The following STC2 variants were observed in gnomAD, a reference collection of about 807,000 sequenced individuals.
The protein encoded by STC2 is stanniocalcin-2.
A neutral mutation model predicts 22.7 loss-of-function variants in STC2; 7 were observed. The observed-to-expected ratio is 0.31, with a 90% CI of 0.18 to 0.58. STC2 has a LOEUF of 0.58. STC2 is among the 20% of genes least tolerant of loss of function. The pLI is 0.89. For synonymous variants in STC2, 158 were observed against 163.4 expected (o/e 0.97, Z 0.25); for missense variants, 336 against 406.2 (o/e 0.83, Z 1.48).
At position 173,317,870 on chromosome 5, in the gene STC2, C is replaced by CA; in HGVS notation, c.885dup (p.Glu296Ter). The stretch of plus-strand genomic sequence containing the variant: ...TTTCACCTCCGGATATCAGAATACT[C>CA]AGACTGTTCGTCTTCCCACTCGCTG... On this transcript the variant is annotated frameshift_variant, in exon 4 of 4. Transcript: ENST00000265087. LOFTEE classifies it high-confidence loss of function. 1.3e-6 allele frequency: 2 copies of CA among 1,591,070 alleles called. No individual in the cohort carries two copies. Among genetic ancestry groups the CA allele is most frequent in the Non-Finnish European group, 1.7e-6 (2 of 1,165,544 alleles).
In STC2 at chr5:173,323,129, C is replaced by T. The variant is rs1762505100; in HGVS notation, c.506+90G>A. The T allele has an allele frequency of 3.9e-6, 5 of 1,276,128 alleles. No homozygotes were observed. The Admixed American group carries it at 9.3e-5, about 24-fold the overall frequency. 79.1% of individuals were successfully genotyped at this position (1,276,128 alleles called of 1,614,324 possible). ...CTTCTCCATTTGACAGGCATTCAGC[C>T]TCTAGAAGCAACGCGGCTCTCCTCC... On this transcript the variant is annotated intron_variant, in intron 3 of 3. Coordinates refer to ENST00000265087, the MANE Select transcript of STC2 (RefSeq NM_003714.3). The surrounding 1 kb of genome is among the most constrained non-coding windows in gnomAD (Gnocchi z 5.4).
chr5:173,321,352 C>T (rs1762483529), intron 3 of STC2, among the ~76,000 whole-genome samples: 1 of 152,168 alleles, frequency 6.6e-6, no homozygotes, highest in African/African-American at 2.4e-5. Flanking sequence ...CCCCATTCCC[C>T]ACCGATTCCT....
intron 3 of STC2, among the ~76,000 whole-genome samples, chr5:173,321,477 T>C (rs909918281): frequency 2.7e-5 from 4 of 145,784 alleles, no homozygotes; most frequent in African/African-American, 7.4e-5. Flanking sequence ...AAGGGAATTT[T>C]AGAGTGTTCT....
At chr5:173,326,567 C>T (rs1762548432) in intron 1 of STC2, 1 of 152,470 alleles carries the variant, frequency 6.6e-6, no homozygotes, top group African/African-American at 2.4e-5. Flanking sequence ...GCAGTGCCTC[C>T]CAACCCTTCG....
rs1762574689 is a variant in STC2 at position 173,328,171 on chromosome 5, T to G, written c.23A>C (p.Gln8Pro). Residue 8 changes from glutamine to proline, a missense_variant, in exon 1 of 4, where the codon CAG (glutamine) becomes CCG (proline). This residue lies in a region of STC2 where 99 missense variants were observed against 122.7 expected (regional missense o/e 0.81). Transcript: ENST00000265087. ...CAACACCAAAGCCAGGGTCATGAACTGGCCCAGCCGCTCGGCACACATGGT... is the reference window on the plus strand; with the variant it reads ...CAACACCAAAGCCAGGGTCATGAACGGGCCCAGCCGCTCGGCACACATGGT... MCAERLG[Q>P]FMTLALVLAT... 3 of 1,573,988 alleles carry G rather than the reference T, an allele frequency of 1.9e-6. No individual in the cohort carries two copies. Among genetic ancestry groups the G allele is most frequent in the African/African-American group, 2.7e-5 (2 of 73,174 alleles).
At chr5:173,320,807 CTT>C (rs1161529639) in intron 3 of STC2, among the ~76,000 whole-genome samples, 77 of 134,008 alleles carry the variant, frequency 5.7e-4, no homozygotes, top group East Asian at 6.5e-4. Context: ...TCAGTTCTCT[CTT>C]TTTTTTTTTT....
chr5:173,317,897 T>C lies in STC2; in HGVS notation c.859A>G (p.Ser287Gly). The C allele has an allele frequency of 1.2e-6, 2 of 1,607,054 alleles. No individual in the cohort carries two copies. Among genetic ancestry groups the C allele is most frequent in the Non-Finnish European group, 1.7e-6 (2 of 1,175,480 alleles). ...GGLGAQGPSG[S>G]SEWEDEQSEY... Reference sequence around the variant, plus strand: ...GACTGTTCGTCTTCCCACTCGCTGCTTCCGGAAGGTCCCTGAGCCCCAAGG... The same window carrying C: ...GACTGTTCGTCTTCCCACTCGCTGCCTCCGGAAGGTCCCTGAGCCCCAAGG... The change falls in exon 4 of 4, where the codon AGC (serine) becomes GGC (glycine). Residue 287 changes from serine to glycine, a missense_variant. Physicochemically the swap from Ser to Gly is moderately conservative, Grantham distance 56. Transcript: ENST00000265087.
intron 3 of STC2, among the ~76,000 whole-genome samples, chr5:173,320,289 C>A (rs541050955): frequency 6.6e-6 from 1 of 152,204 alleles, no homozygotes; most frequent in African/African-American, 2.4e-5. Context: ...AAGCCCAGGG[C>A]GGATCTGGAT....
Position 173,317,704 on chromosome 5 carries a change from G to C in STC2, c.*143C>G, listed in dbSNP as rs983125386. Reference sequence around the variant, plus strand: ...TCTCCATCTCACCTGTCCGTTCCGCGAACACACACCTCGATGAAGTCCACA... The same window carrying C: ...TCTCCATCTCACCTGTCCGTTCCGCCAACACACACCTCGATGAAGTCCACA... On this transcript the variant is annotated 3_prime_UTR_variant, in exon 4 of 4. Coordinates refer to ENST00000265087, the MANE Select transcript of STC2 (RefSeq NM_003714.3). 6.7e-6 allele frequency: 8 copies of C among 1,191,654 alleles called. No homozygotes were observed. In the South Asian group the frequency reaches 1.6e-4, roughly 24 times the overall value. 73.8% of individuals were successfully genotyped at this position (1,191,654 alleles called of 1,614,324 possible). A position where few individuals can be genotyped will look rare whatever the true frequency, so the allele number is the denominator to read the frequency against.
In STC2 at chr5:173,315,996, T is replaced by C. The variant is rs945406910; in HGVS notation, c.*1851A>G. On this transcript the variant is annotated 3_prime_UTR_variant, in exon 4 of 4. Transcript: ENST00000265087. ...GGGCATAGAAATACTAGCTGTGTTT[T>C]GGTTGAAGGCATTCCCCAGGAACAA... 6.6e-6 allele frequency: 1 copy of C among 152,252 alleles called. No homozygotes were observed. The highest frequency in any genetic ancestry group is 2.1e-4 in the South Asian group (1 of 4,826). 9.4% of individuals were successfully genotyped at this position (152,252 alleles called of 1,614,324 possible).
In STC2 at chr5:173,318,177, C is replaced by T. The variant is rs1022730228; in HGVS notation, c.579G>A (p.Val193=). Residue 193 remains valine (V), a synonymous_variant, in exon 4 of 4, where the codon GTG becomes GTA. Coordinates refer to ENST00000265087, the MANE Select transcript of STC2 (RefSeq NM_003714.3). Reference sequence around the variant, plus strand: ...CCCAGTTCTGCTCACACTGAACCTGCACGCTGTGGGTGATGGCCTCCTTCA... The same window carrying T: ...CCCAGTTCTGCTCACACTGAACCTGTACGCTGTGGGTGATGGCCTCCTTCA... ...EEVKEAITHS[V]QVQCEQNWGS... is the part of the protein sequence containing the mutation. 1 of 1,579,682 alleles carries T rather than the reference C, an allele frequency of 6.3e-7. No homozygotes were observed. The highest frequency in any genetic ancestry group is 8.6e-7 in the Non-Finnish European group (1 of 1,162,856).
At position 173,325,230 on chromosome 5, in the gene STC2, A is replaced by G. The variant is rs907804232; in HGVS notation, c.294+638T>C. ...TATTTGCGTTGTTGGCACTGGAGCC[A>G]TATGTTGCTTGTTGTGTTCCTGCCT... On this transcript the variant is annotated intron_variant, in intron 2 of 3. Coordinates refer to ENST00000265087, the MANE Select transcript of STC2 (RefSeq NM_003714.3). This position sits in a 1 kb window ranked among gnomAD's most constrained non-coding sequence, Gnocchi z 4.7. Among the ~76,000 whole-genome samples, 4 of 152,238 alleles carry G rather than the reference A, an allele frequency of 2.6e-5. No homozygotes were observed. The highest frequency in any genetic ancestry group is 9.6e-5 in the African/African-American group (4 of 41,470).
intron 2 of STC2, among the ~76,000 whole-genome samples, chr5:173,324,894 CT>C: frequency 1.3e-5 from 2 of 152,320 alleles, no homozygotes; most frequent in Admixed American, 1.3e-4. Context: ...CTTTCCTTCC[CT>C]GGTTTCAGTT....
chr5:173,317,801 A>G lies in STC2; in HGVS notation c.*46T>C, dbSNP rs750548205. Reference sequence around the variant, plus strand: ...ATGTTTTGGAATGTCCATAGATAAGAAAATGGACGGCGTGGAGGAAAGATT... The same window carrying G: ...ATGTTTTGGAATGTCCATAGATAAGGAAATGGACGGCGTGGAGGAAAGATT... On this transcript the variant is annotated 3_prime_UTR_variant, in exon 4 of 4. Transcript: ENST00000265087. 1.3e-6 allele frequency: 2 copies of G among 1,515,542 alleles called. No homozygotes were observed. The highest frequency in any genetic ancestry group is 1.8e-6 in the Non-Finnish European group (2 of 1,129,658). 93.9% of individuals were successfully genotyped at this position (1,515,542 alleles called of 1,614,324 possible).
intron 3 of STC2, among the ~76,000 whole-genome samples, chr5:173,319,822 GC>G (rs1762464859): frequency 6.6e-6 from 1 of 152,188 alleles, no homozygotes; most frequent in Admixed American, 6.5e-5. Flanking sequence ...TTTAGGGCCT[GC>G]TTGATGACTT....
At chr5:173,321,573 A>T (rs1389586802) in intron 3 of STC2, among the ~76,000 whole-genome samples, 2 of 152,228 alleles carry the variant, frequency 1.3e-5, no homozygotes, top group Non-Finnish European at 2.9e-5. Flanking sequence ...TCTAGGAGGG[A>T]GATAATAGGC....
rs1474700258 is a variant in STC2, at chr5:173,316,591, C to T, written c.*1256G>A. On this transcript the variant is annotated 3_prime_UTR_variant, in exon 4 of 4. Transcript: ENST00000265087. ...CTCTGCCTTTATTTGTCCCCTTGGA[C>T]TCCTCTCCTTATTGCTAAATTTCCA... 2 of 152,104 alleles carry T rather than the reference C, an allele frequency of 1.3e-5. No homozygotes were observed. Among genetic ancestry groups the T allele is most frequent in the African/African-American group, 4.8e-5 (2 of 41,414 alleles). 9.4% of individuals were successfully genotyped at this position (152,104 alleles called of 1,614,324 possible). A position where few individuals can be genotyped will look rare whatever the true frequency, so the allele number is the denominator to read the frequency against.
rs1365364967 is a variant in STC2, at chr5:173,317,192, T to TC, written c.*654dup. On this transcript the variant is annotated 3_prime_UTR_variant, in exon 4 of 4. Transcript: ENST00000265087. ...ATAGGGGCCACTCCCTTGGACAGTG[T>TC]CCCCCCCAGCCCAGACAGTACAATG... 4 of 152,054 alleles carry TC rather than the reference T, an allele frequency of 2.6e-5. No individual in the cohort carries two copies. Among genetic ancestry groups the TC allele is most frequent in the Non-Finnish European group, 4.4e-5 (3 of 67,940 alleles). The allele number at this position is 152,054 out of a possible 1,614,324, so 9.4% of individuals were successfully genotyped here.
Position 173,317,758 on chromosome 5 carries a change from C to T in STC2, c.*89G>A, listed in dbSNP as rs1762438841. 2 of 1,455,410 alleles carry T rather than the reference C, an allele frequency of 1.4e-6. No homozygotes were observed. The highest frequency in any genetic ancestry group is 4.6e-5 in the Admixed American group (2 of 43,904). 90.2% of individuals were successfully genotyped at this position (1,455,410 alleles called of 1,614,324 possible). On this transcript the variant is annotated 3_prime_UTR_variant, in exon 4 of 4. Coordinates refer to ENST00000265087, the MANE Select transcript of STC2 (RefSeq NM_003714.3). Reference sequence around the variant, plus strand: ...CCCACAGAATCCTGCGTGTGACATCCCCCCTCTCTAATGGTAAATGTTTTG... The same window carrying T: ...CCCACAGAATCCTGCGTGTGACATCTCCCCTCTCTAATGGTAAATGTTTTG...
Sources: allele counts gnomAD v4.1 joint callset (sites outside exome capture counted in the v4.1 genomes callset), GRCh38; gene constraint gnomAD v4.1.1; regional missense constraint gnomAD v4.1.1; non-coding constraint Gnocchi (gnomAD v3.1); transcripts MANE v1.5; gene names NCBI Gene and HGNC (gene_info 2026-07-23, HGNC 2026-07-21).